SPDYE10: variants seen among roughly 807,000 people sequenced by gnomAD.
The protein encoded by SPDYE10 is speedy protein E10.
the SPDYE10 span, among the ~76,000 whole-genome samples, chr7:73,145,018 A>AG: frequency 3.6e-5 from 4 of 112,612 alleles, no homozygotes; most frequent in African/African-American, 1.7e-4. Context: ...AAAAAAAAAA[A>AG]AAAAAGAAGA....
chr7:73,107,694 G>A, the SPDYE10 span, among the ~76,000 whole-genome samples: 1 of 57,536 alleles, frequency 1.7e-5, no homozygotes, highest in African/African-American at 5.9e-5. Context: ...CTAGTCTAAT[G>A]GGACTGGGAG....
the SPDYE10 span, among the ~76,000 whole-genome samples, chr7:73,139,649 GTTTT>G: frequency 1.3e-5 from 2 of 150,834 alleles, no homozygotes; most frequent in African/African-American, 4.9e-5. Flanking sequence ...TTGTTTGTTT[GTTTT>G]TTGTGTTTTT....
chr7:73,152,018 G>GTT, the SPDYE10 span, among the ~76,000 whole-genome samples: 153 of 144,290 alleles, frequency 1.1e-3, 2 homozygotes, highest in East Asian at 0.012. Context: ...TGTTTTTTGT[G>GTT]TTTTTTTTTT....
At chr7:73,123,504 T>C in the SPDYE10 span, among the ~76,000 whole-genome samples, 1 of 152,242 alleles carries the variant, frequency 6.6e-6, no homozygotes, top group Non-Finnish European at 1.5e-5. Flanking sequence ...TTTGCTCTTG[T>C]CGCCCAAGCT....
the SPDYE10 span, among the ~76,000 whole-genome samples, chr7:73,128,385 A>G: frequency 7.0e-6 from 1 of 143,478 alleles, no homozygotes. Flanking sequence ...TTAGGTAGAC[A>G]TCATCACAAT....
At chr7:73,115,351 C>A in the SPDYE10 span, among the ~76,000 whole-genome samples, 46 of 151,942 alleles carry the variant, frequency 3.0e-4, no homozygotes, top group African/African-American at 1.0e-3. Context: ...TGTACAGAAT[C>A]CTCACACTAC....
At chr7:73,149,453 A>G in the SPDYE10 span, among the ~76,000 whole-genome samples, 5 of 139,526 alleles carry the variant, frequency 3.6e-5, no homozygotes, top group Middle Eastern at 3.7e-3. Context: ...ATGCCCGGCT[A>G]ATTTTTTGTA....
At chr7:73,127,830 T>C in the SPDYE10 span, among the ~76,000 whole-genome samples, 1 of 126,540 alleles carries the variant, frequency 7.9e-6, no homozygotes, top group East Asian at 2.1e-4. Context: ...ATCCCAATTA[T>C]TGATGGGTGT....
chr7:73,132,546 CAAAAAA>C, the SPDYE10 span, among the ~76,000 whole-genome samples: 2 of 59,458 alleles, frequency 3.4e-5, no homozygotes, highest in Non-Finnish European at 6.6e-5. Context: ...GACCCTGTCT[CAAAAAA>C]AAAAAAAAAA....
At chr7:73,144,819 T>C in the SPDYE10 span, among the ~76,000 whole-genome samples, 13 of 98,006 alleles carry the variant, frequency 1.3e-4, no homozygotes, top group East Asian at 1.8e-3. Flanking sequence ...CAGACCAGCC[T>C]GGCCAACATG....
chr7:73,149,541 C>A, the SPDYE10 span, among the ~76,000 whole-genome samples: 1 of 151,894 alleles, frequency 6.6e-6, no homozygotes, highest in African/African-American at 2.4e-5. Flanking sequence ...CCTGCCTTGG[C>A]CTCCCAAAGT....
the SPDYE10 span, among the ~76,000 whole-genome samples, chr7:73,139,984 G>GC: frequency 4.7e-5 from 1 of 21,382 alleles, no homozygotes; most frequent in South Asian, 1.2e-3. Flanking sequence ...AGTCTCTGTC[G>GC]CCCAGGCTGT....
the SPDYE10 span, among the ~76,000 whole-genome samples, chr7:73,142,584 A>G: frequency 6.6e-6 from 1 of 152,324 alleles, no homozygotes; most frequent in Non-Finnish European, 1.5e-5. Context: ...AATAAAGTCT[A>G]GGCTTAAAGT....
At chr7:73,123,789 CTCT>C in the SPDYE10 span, among the ~76,000 whole-genome samples, 150 of 38,756 alleles carry the variant, frequency 3.9e-3, no homozygotes, top group African/African-American at 4.7e-3. Context: ...CTCTCTCTCC[CTCT>C]CTCTCTCTCT....
chr7:73,144,345 C>A, the SPDYE10 span, among the ~76,000 whole-genome samples: 1 of 148,626 alleles, frequency 6.7e-6, no homozygotes, highest in Non-Finnish European at 1.5e-5. Context: ...GCGACCCCAG[C>A]CCCCAGGCAT....
the SPDYE10 span, among the ~76,000 whole-genome samples, chr7:73,116,897 GTT>G: frequency 7.4e-6 from 1 of 135,932 alleles, no homozygotes. Flanking sequence ...TAACAGATTT[GTT>G]TTTTTTTTTT....
chr7:73,127,082 CTTTTTTTTTTTTTTT>C, the SPDYE10 span, among the ~76,000 whole-genome samples: 3 of 13,360 alleles, frequency 2.2e-4, no homozygotes, highest in Admixed American at 8.7e-4. Context: ...CCACGCCTGG[CTTTTTTTTTTTTTTT>C]TTTTTTTTTT....
chr7:73,131,798 G>C, the SPDYE10 span, among the ~76,000 whole-genome samples: 2 of 151,948 alleles, frequency 1.3e-5, no homozygotes, highest in Non-Finnish European at 2.9e-5. Context: ...GCTTCCCAAA[G>C]TGCTGGGATT....
chr7:73,123,155 G>GCCC, the SPDYE10 span, among the ~76,000 whole-genome samples: 1 of 152,346 alleles, frequency 6.6e-6, no homozygotes, highest in Non-Finnish European at 1.5e-5. Flanking sequence ...GGCTGAGAGG[G>GCCC]TGCTTGCTGC....
Sources: allele counts gnomAD v4.1 joint callset (sites outside exome capture counted in the v4.1 genomes callset), GRCh38; gene constraint gnomAD v4.1.1; transcripts MANE v1.5; gene names NCBI Gene and HGNC (gene_info 2026-07-23, HGNC 2026-07-21).